Variants in CAMK1D observed in about 807,000 individuals in gnomAD.
The protein encoded by CAMK1D is calcium/calmodulin-dependent protein kinase type 1D.
CAMK1D carries 9 observed loss-of-function variants against 47.7 expected under a neutral mutation model. That is an observed-to-expected ratio of 0.19 (90% CI 0.11 to 0.33). CAMK1D has a LOEUF of 0.33. Among genes scored for constraint, CAMK1D ranks in the 10% least tolerant of loss-of-function variants. CAMK1D has a pLI of 1.00. For missense variants in CAMK1D, 291 were observed against 488.7 expected (o/e 0.60, Z 3.81); for synonymous variants, 184 against 184.9 (o/e 0.99, Z 0.04).
At chr10:12,708,358 G>A (rs1361646959) in intron 3 of CAMK1D, among the ~76,000 whole-genome samples, 1 of 151,978 alleles carries the variant, frequency 6.6e-6, no homozygotes, top group Non-Finnish European at 1.5e-5. Context: ...GGAAGGAGAA[G>A]AAGGAAGCGC....
chr10:12,582,095 T>G (rs1033004906), intron 2 of CAMK1D, among the ~76,000 whole-genome samples: 13 of 152,216 alleles, frequency 8.5e-5, no homozygotes, highest in Non-Finnish European at 8.8e-5. Flanking sequence ...CTAGTTTCAT[T>G]CTTCTACATG....
intron 1 of CAMK1D, among the ~76,000 whole-genome samples, chr10:12,411,378 C>T (rs541828068): frequency 1.1e-3 from 173 of 152,284 alleles, no homozygotes; most frequent in African/African-American, 3.8e-3. Flanking sequence ...AAGCAGCTCC[C>T]TGATCACTGT....
intron 5 of CAMK1D, among the ~76,000 whole-genome samples, chr10:12,780,073 A>G (rs1193566704): frequency 6.6e-6 from 1 of 151,960 alleles, no homozygotes; most frequent in African/African-American, 2.4e-5. Context: ...GTTCTTCTCT[A>G]AAAGGAGATG....
At chr10:12,563,680 AGAGAGAGAGAGAGAGAGAGG>A (rs1360353271) in intron 2 of CAMK1D, among the ~76,000 whole-genome samples, 68 of 123,416 alleles carry the variant, frequency 5.5e-4, no homozygotes, top group African/African-American at 1.7e-3. Context: ...AGAGAGAGAG[AGAGAGAGAGAGAGAGAGAGG>A]GAGAGAGAGG....
chr10:12,765,287 G>T (rs1331263439), intron 4 of CAMK1D, among the ~76,000 whole-genome samples: 2 of 152,158 alleles, frequency 1.3e-5, no homozygotes, highest in Admixed American at 6.5e-5. Flanking sequence ...CACTTGACAT[G>T]GTAAGGAAGG....
At chr10:12,724,278 T>A (rs892932325) in intron 3 of CAMK1D, among the ~76,000 whole-genome samples, 1 of 152,220 alleles carries the variant, frequency 6.6e-6, no homozygotes, top group Non-Finnish European at 1.5e-5. Context: ...AGCAGGTTTT[T>A]AAATGTGTTT....
At chr10:12,690,751 G>A (rs1307553077) in intron 3 of CAMK1D, among the ~76,000 whole-genome samples, 1 of 152,142 alleles carries the variant, frequency 6.6e-6, no homozygotes, top group Non-Finnish European at 1.5e-5. Flanking sequence ...TGCGTGGTGC[G>A]GGGGTGAGGG....
chr10:12,391,677 G>A (rs1838739189), intron 1 of CAMK1D, among the ~76,000 whole-genome samples: 1 of 152,124 alleles, frequency 6.6e-6, no homozygotes, highest in Admixed American at 6.5e-5. Flanking sequence ...CTGTTAAAAT[G>A]TCCTTACAGT....
intron 3 of CAMK1D, among the ~76,000 whole-genome samples, chr10:12,671,418 A>G (rs1207145264): frequency 6.6e-6 from 1 of 151,668 alleles, no homozygotes; most frequent in Non-Finnish European, 1.5e-5. Flanking sequence ...TTACAATCCC[A>G]TGAGCAACGT....
intron 1 of CAMK1D, among the ~76,000 whole-genome samples, chr10:12,472,724 G>C (rs866092394): frequency 6.6e-6 from 1 of 152,052 alleles, no homozygotes; most frequent in Non-Finnish European, 1.5e-5. Context: ...ATTTCGCCAC[G>C]TTGGCCAGGC....
chr10:12,378,545 T>A (rs1838251170), intron 1 of CAMK1D, among the ~76,000 whole-genome samples: 2 of 146,902 alleles, frequency 1.4e-5, no homozygotes, highest in Admixed American at 6.8e-5. Context: ...CCTTAGTATT[T>A]TTTTTTTTTT....
chr10:12,755,133 A>T (rs934884181), intron 3 of CAMK1D, among the ~76,000 whole-genome samples: 14 of 152,212 alleles, frequency 9.2e-5, no homozygotes, highest in Non-Finnish European at 2.1e-4. Flanking sequence ...TAAAGATTTT[A>T]AAAAATTATT....
At chr10:12,396,255 C>T (rs189696381) in intron 1 of CAMK1D, among the ~76,000 whole-genome samples, 3 of 152,298 alleles carry the variant, frequency 2.0e-5, no homozygotes, top group East Asian at 3.9e-4. Context: ...GGAAGGTCAG[C>T]CCCTCTCCTG....
intron 1 of CAMK1D, among the ~76,000 whole-genome samples, chr10:12,467,448 C>T (rs1453299253): frequency 6.6e-6 from 1 of 152,132 alleles, no homozygotes; most frequent in Non-Finnish European, 1.5e-5. Context: ...CCACTGCGCC[C>T]AGTCACTCTC....
At chr10:12,814,761 T>C (rs752506425) in intron 7 of CAMK1D, among the ~76,000 whole-genome samples, 3 of 150,940 alleles carry the variant, frequency 2.0e-5, no homozygotes, top group Non-Finnish European at 4.4e-5. Flanking sequence ...GCATATGAAC[T>C]GTGGGGGATT....
intron 1 of CAMK1D, among the ~76,000 whole-genome samples, chr10:12,510,476 G>C (rs1461046573): frequency 1.3e-5 from 2 of 152,176 alleles, no homozygotes; most frequent in Non-Finnish European, 2.9e-5. Flanking sequence ...TTCCGAAGTT[G>C]TCTAAAGATC....
chr10:12,743,137 G>GT (rs1406551408), intron 3 of CAMK1D, among the ~76,000 whole-genome samples: 1 of 152,116 alleles, frequency 6.6e-6, no homozygotes, highest in Non-Finnish European at 1.5e-5. Context: ...GAGGTCAGGA[G>GT]TTTGAGACCA....
At chr10:12,412,833 C>T (rs1432738442) in intron 1 of CAMK1D, among the ~76,000 whole-genome samples, 1 of 152,148 alleles carries the variant, frequency 6.6e-6, no homozygotes, top group Non-Finnish European at 1.5e-5. Flanking sequence ...CCCTCTGCTT[C>T]TCTCAGATGA....
At chr10:12,740,779 A>C (rs904141445) in intron 3 of CAMK1D, among the ~76,000 whole-genome samples, 10 of 152,068 alleles carry the variant, frequency 6.6e-5, no homozygotes, top group African/African-American at 2.2e-4. Flanking sequence ...TTTTTTTTGC[A>C]TAGGACAACA....
Sources: allele counts gnomAD v4.1 joint callset (sites outside exome capture counted in the v4.1 genomes callset), GRCh38; gene constraint gnomAD v4.1.1; transcripts MANE v1.5; gene names NCBI Gene and HGNC (gene_info 2026-07-23, HGNC 2026-07-21).